The following KCNQ1 variants were observed in gnomAD, a reference collection of about 807,000 sequenced individuals.
The protein encoded by KCNQ1 is potassium voltage-gated channel subfamily Q member 1, also known as potassium voltage-gated channel subfamily KQT member 1.
A neutral mutation model predicts 72.4 loss-of-function variants in KCNQ1; 49 were observed. That is an observed-to-expected ratio of 0.68 (90% CI 0.54 to 0.86). The LOEUF is 0.86. Ranked by LOEUF, KCNQ1 falls within the 40% of genes least tolerant of loss-of-function variation. The probability of loss-of-function intolerance (pLI) is 0.00; values close to 1 mark genes in which losing one functional copy is unlikely to be tolerated. For missense variants in KCNQ1, 790 were observed against 945.1 expected, an observed-to-expected ratio of 0.84 and a Z score of 2.15; for synonymous variants, 450 against 412.6, an observed-to-expected ratio of 1.09 and a Z score of -1.10.
rs906755496 is a variant in KCNQ1, at chr11:2,523,796, G to A, written c.387-4132G>A. Among the ~76,000 whole-genome samples, 4 of 128,966 alleles carry A rather than the reference G, an allele frequency of 3.1e-5. No individual in the cohort carries two copies. The East Asian group carries it at 9.0e-4, about 29-fold the overall frequency. The allele number at this position is 128,966 out of a possible 152,430, so 84.6% of individuals were successfully genotyped here. A position where few individuals can be genotyped will look rare whatever the true frequency, so the allele number is the denominator to read the frequency against. On this transcript the variant is annotated intron_variant, in intron 1 of 15. Transcript: ENST00000155840. The stretch of plus-strand genomic sequence containing the variant: ...TGAAAGTTTAAAGCTTTCAACCTGG[G>A]CCTGGAGGCTGCAGGGTCAGCAGAC...
chr11:2,722,057 T>G (rs556283129), intron 11 of KCNQ1, among the ~76,000 whole-genome samples: 55 of 152,144 alleles, frequency 3.6e-4, no homozygotes, highest in African/African-American at 1.3e-3. Flanking sequence ...CTCACCTCCA[T>G]GGGGTCGCAG....
chr11:2,584,373 G>A (rs969265268), intron 7 of KCNQ1, among the ~76,000 whole-genome samples: 4 of 151,830 alleles, frequency 2.6e-5, no homozygotes, highest in African/African-American at 4.9e-5. Context: ...GTGTATGTTA[G>A]TGTGTTTGTG....
In KCNQ1 at chr11:2,704,666, G is replaced by A. The variant is rs1032793320; in HGVS notation, c.1514+42585G>A. The stretch of plus-strand genomic sequence containing the variant: ...GGGGGAAGACTACGGGGGACTTGCC[G>A]TCACCCAGTGAGAGAGATGGGAGGG... On this transcript the variant is annotated intron_variant, in intron 11 of 15. Coordinates refer to ENST00000155840, the MANE Select transcript of KCNQ1 (RefSeq NM_000218.3). This position sits in a 1 kb window ranked among gnomAD's most constrained non-coding sequence, Gnocchi z 4.3. 5.3e-5 allele frequency among the ~76,000 whole-genome samples: 8 copies of A among 152,210 alleles called. No homozygotes were observed. Among genetic ancestry groups the A allele is most frequent in the African/African-American group, 9.6e-5 (4 of 41,452 alleles).
intron 11 of KCNQ1, among the ~76,000 whole-genome samples, chr11:2,708,586 A>G (rs1383610062): frequency 5.9e-5 from 9 of 152,072 alleles, no homozygotes; most frequent in Non-Finnish European, 1.2e-4. Context: ...GTGGGCAGTG[A>G]CCAGAAGACT....
In KCNQ1 at chr11:2,777,496, C is replaced by A. The variant is rs548751005; in HGVS notation, c.1732+464C>A. The A allele has an allele frequency of 5.4e-5, 29 of 539,048 alleles. No homozygotes were observed. The South Asian group carries it at 8.6e-4, about 16-fold the overall frequency. 33.4% of individuals were successfully genotyped at this position (539,048 alleles called of 1,614,324 possible). A position where few individuals can be genotyped will look rare whatever the true frequency, so the allele number is the denominator to read the frequency against. On this transcript the variant is annotated intron_variant, in intron 14 of 15. Transcript: ENST00000155840. ...TCCTTGACCAAATTCCTTGGGTCCC[C>A]TGGACACGGGGCTGTGAGTCATTCC...
Position 2,766,367 on chromosome 11 carries a change from T to C in KCNQ1, c.1515-2477T>C, listed in dbSNP as rs1846497991. The stretch of plus-strand genomic sequence containing the variant: ...GAGTGGTCTCTGTTGTCCTCACGTG[T>C]CTGGAGCCACTGGGTTGTCAGCCAG... On this transcript the variant is annotated intron_variant, in intron 11 of 15. Coordinates refer to ENST00000155840, the MANE Select transcript of KCNQ1 (RefSeq NM_000218.3). The surrounding 1 kb of genome is among the most constrained non-coding windows in gnomAD (Gnocchi z 4.4). 6.6e-6 allele frequency among the ~76,000 whole-genome samples: 1 copy of C among 152,228 alleles called. No homozygotes were observed.
chr11:2,460,818 G>A (rs1250199367), intron 1 of KCNQ1, among the ~76,000 whole-genome samples: 1 of 152,236 alleles, frequency 6.6e-6, no homozygotes, highest in Non-Finnish European at 1.5e-5. Flanking sequence ...TGGCCCCAAA[G>A]ACTGCTTCAA....
chr11:2,517,617 G>T (rs572444525), intron 1 of KCNQ1, among the ~76,000 whole-genome samples: 1 of 152,276 alleles, frequency 6.6e-6, no homozygotes. Flanking sequence ...GTTTCCCCCT[G>T]GCAGGATCCC....
At position 2,473,965 on chromosome 11, in the gene KCNQ1, C is replaced by T. The variant is rs1846531268; in HGVS notation, c.386+28481C>T. On this transcript the variant is annotated intron_variant, in intron 1 of 15. Transcript: ENST00000155840. This position sits in a 1 kb window ranked among gnomAD's most constrained non-coding sequence, Gnocchi z 6.0. ...TAGGCCTGATGCCAGGAACGGGGCA[C>T]TGCAGGGCCCTTGGGAGGGAGGTAA... 6.6e-6 allele frequency among the ~76,000 whole-genome samples: 1 copy of T among 152,248 alleles called. No individual in the cohort carries two copies. Among genetic ancestry groups the T allele is most frequent in the Admixed American group, 6.5e-5 (1 of 15,290 alleles).
In KCNQ1 at chr11:2,826,602, G is replaced by A. The variant is rs532417033; in HGVS notation, c.1795-21165G>A. On this transcript the variant is annotated intron_variant, in intron 15 of 15. Transcript: ENST00000155840. This position sits in a 1 kb window ranked among gnomAD's most constrained non-coding sequence, Gnocchi z 4.2. Reference sequence around the variant, plus strand: ...GGCACCCACAGGGTAGAAATGCCCTGGATTGGCTGTGGCACAAGAGGGCTG... The same window carrying A: ...GGCACCCACAGGGTAGAAATGCCCTAGATTGGCTGTGGCACAAGAGGGCTG... 3.4e-4 allele frequency among the ~76,000 whole-genome samples: 52 copies of A among 152,360 alleles called. No individual in the cohort carries two copies. Among genetic ancestry groups the A allele is most frequent in the African/African-American group, 1.1e-3 (46 of 41,592 alleles).
rs1226137939 is a variant in KCNQ1, at chr11:2,762,384, G to A, written c.1515-6460G>A. Reference sequence around the variant, plus strand: ...CTCTCCCTGGGTTAACTTTGTGACCGGTGTGTGGTAAGGATCATGGTTGAC... The same window carrying A: ...CTCTCCCTGGGTTAACTTTGTGACCAGTGTGTGGTAAGGATCATGGTTGAC... On this transcript the variant is annotated intron_variant, in intron 11 of 15. Coordinates refer to ENST00000155840, the MANE Select transcript of KCNQ1 (RefSeq NM_000218.3). The surrounding 1 kb of genome is among the most constrained non-coding windows in gnomAD (Gnocchi z 4.3). 6.6e-6 allele frequency among the ~76,000 whole-genome samples: 1 copy of A among 152,182 alleles called. No homozygotes were observed. The highest frequency in any genetic ancestry group is 1.5e-5 in the Non-Finnish European group (1 of 68,030).
intron 11 of KCNQ1, among the ~76,000 whole-genome samples, chr11:2,751,300 A>G (rs970534655): frequency 2.6e-5 from 4 of 151,998 alleles, no homozygotes; most frequent in Non-Finnish European, 4.4e-5. Context: ...CCAAACCCTC[A>G]TCTCCCACCC....
At chr11:2,448,847 C>T (rs1229320221) in intron 1 of KCNQ1, among the ~76,000 whole-genome samples, 6 of 152,208 alleles carry the variant, frequency 3.9e-5, no homozygotes, top group African/African-American at 1.2e-4. Context: ...TTTCTAGATC[C>T]GCTCTTGCCA....
At position 2,642,066 on chromosome 11, in the gene KCNQ1, C is replaced by A; in HGVS notation, c.1394-19895C>A. ...AAATCAGGCAGTGTGATGCATCCAA[C>A]TTTGTTATTTTTGCTCAGAATTGCT... On this transcript the variant is annotated intron_variant, in intron 10 of 15. Coordinates refer to ENST00000155840, the MANE Select transcript of KCNQ1 (RefSeq NM_000218.3). The surrounding 1 kb of genome is among the most constrained non-coding windows in gnomAD (Gnocchi z 4.3). 1 of 398,312 alleles carries A rather than the reference C, an allele frequency of 2.5e-6. No individual in the cohort carries two copies. The highest frequency in any genetic ancestry group is 4.4e-6 in the Non-Finnish European group (1 of 225,914). 24.7% of individuals were successfully genotyped at this position (398,312 alleles called of 1,614,324 possible). A position where few individuals can be genotyped will look rare whatever the true frequency, so the allele number is the denominator to read the frequency against.
chr11:2,518,393 G>A (rs2237873), intron 1 of KCNQ1, among the ~76,000 whole-genome samples: 109,219 of 152,094 alleles, frequency 0.72, 39,381 homozygotes, highest in East Asian at 0.78. Flanking sequence ...AGAGGCGGGG[G>A]GACCAGGGGA....
intron 11 of KCNQ1, chr11:2,684,367 G>T: frequency 2.5e-6 from 1 of 398,662 alleles, no homozygotes; most frequent in African/African-American, 2.1e-5. Flanking sequence ...CTTGCTGCCA[G>T]CATGAGACAA....
At chr11:2,694,579 C>T (rs1164323923) in intron 11 of KCNQ1, 2 of 398,516 alleles carry the variant, frequency 5.0e-6, no homozygotes, top group Non-Finnish European at 8.8e-6. Context: ...AAAATGGAGG[C>T]ACACTTTCCT....
intron 10 of KCNQ1, chr11:2,639,782 T>G (rs923583532): frequency 2.6e-5 from 4 of 152,418 alleles, no homozygotes; most frequent in African/African-American, 9.6e-5. Flanking sequence ...TCTGCTGCCT[T>G]TTGTTCGGCT....
intron 15 of KCNQ1, among the ~76,000 whole-genome samples, chr11:2,794,301 G>A (rs535657587): frequency 1.1e-4 from 17 of 152,330 alleles, no homozygotes; most frequent in Middle Eastern, 6.8e-3. Context: ...GAAGGACCCC[G>A]AGCTTCTGCT....
Sources: gnomAD v4.1 joint callset for allele counts (sites outside exome capture counted in the v4.1 genomes callset) on GRCh38, gnomAD v4.1.1 for gene constraint, Gnocchi (gnomAD v3.1) non-coding constraint, MANE v1.5 for transcripts, NCBI Gene and HGNC (gene_info 2026-07-23, HGNC 2026-07-21) for gene names.